Variants in RAD52 observed in about 807,000 individuals in gnomAD.
RAD52 encodes DNA repair protein RAD52 homolog.
RAD52 carries 47 observed loss-of-function variants against 55.5 expected under a neutral mutation model. The ratio of observed to expected loss-of-function variants is 0.85; its 90% confidence interval spans 0.67 to 1.08. The LOEUF (loss-of-function observed/expected upper bound fraction) is 1.08, where lower values mean the gene tolerates loss of function less well. Among genes scored for constraint, RAD52 ranks in the 50% least tolerant of loss-of-function variants. The pLI is 0.00. For synonymous variants in RAD52, 184 were observed against 198.9 expected, an observed-to-expected ratio of 0.92 and a Z score of 0.63; for missense variants, 468 against 522.8, an observed-to-expected ratio of 0.90 and a Z score of 1.02.
intron 1 of RAD52, among the ~76,000 whole-genome samples, chr12:934,761 T>A (rs1957525096): frequency 1.3e-5 from 2 of 152,026 alleles, no homozygotes; most frequent in Admixed American, 6.6e-5. Flanking sequence ...TTTTTGTCAG[T>A]CATACCTCAA....
In RAD52 at chr12:912,735, A is replaced by AAC. The variant is rs1956159627; in HGVS notation, c.*655_*656insGT. 1 of 139,140 alleles carries AAC rather than the reference A, an allele frequency of 7.2e-6. No homozygotes were observed. The highest frequency in any genetic ancestry group is 7.5e-5 in the Admixed American group (1 of 13,318). 8.6% of individuals were successfully genotyped at this position (139,140 alleles called of 1,614,324 possible). A position where few individuals can be genotyped will look rare whatever the true frequency, so the allele number is the denominator to read the frequency against. ...CAGACCCCGTCTCAAAAAAAAAAAA[A>AAC]AAAAAAAAAACAAAAAACAGCCTTT... On this transcript the variant is annotated 3_prime_UTR_variant, in exon 12 of 12. Coordinates refer to ENST00000358495, the MANE Select transcript of RAD52 (RefSeq NM_134424.4).
chr12:946,797 G>A (rs2154118914), intron 1 of RAD52, among the ~76,000 whole-genome samples: 1 of 152,298 alleles, frequency 6.6e-6, no homozygotes, highest in Middle Eastern at 3.4e-3. Flanking sequence ...TACAGTGGGT[G>A]ACTCAAAATT....
chr12:936,545 T>G (rs980347792), intron 1 of RAD52, among the ~76,000 whole-genome samples: 2 of 150,138 alleles, frequency 1.3e-5, no homozygotes, highest in Non-Finnish European at 2.9e-5. Flanking sequence ...CAGGCTGGAA[T>G]GCAGTGGTGC....
intron 1 of RAD52, among the ~76,000 whole-genome samples, chr12:949,127 T>C (rs1158710287): frequency 6.6e-6 from 1 of 152,056 alleles, no homozygotes; most frequent in African/African-American, 2.4e-5. Flanking sequence ...ACGGGTGCGA[T>C]CTCGGCTCAC....
chr12:935,205 G>GAAAT (rs1338647251), intron 1 of RAD52, among the ~76,000 whole-genome samples: 3 of 152,012 alleles, frequency 2.0e-5, no homozygotes. Flanking sequence ...GGGTCAAAAA[G>GAAAT]AAATAGAAGC....
At chr12:973,253 T>A (rs931147806) in intron 1 of RAD52, among the ~76,000 whole-genome samples, 4 of 151,600 alleles carry the variant, frequency 2.6e-5, no homozygotes, top group Non-Finnish European at 5.9e-5. Flanking sequence ...GTATTTTTAG[T>A]AGAGACGGGG....
intron 1 of RAD52, among the ~76,000 whole-genome samples, chr12:933,459 G>GAA (rs35399875): frequency 0.45 from 63,396 of 139,342 alleles, 14,103 homozygotes; most frequent in Admixed American, 0.48. Context: ...TCCATTTCAG[G>GAA]AAAAAAAAAA....
At chr12:934,639 C>CT (rs1431387251) in intron 1 of RAD52, among the ~76,000 whole-genome samples, 4 of 152,196 alleles carry the variant, frequency 2.6e-5, no homozygotes, top group Non-Finnish European at 1.5e-5. Flanking sequence ...CCTGTACTAG[C>CT]TAAGAGGGTA....
chr12:914,622 G>A, intron 9 of RAD52, 90 bp from the exon 10 acceptor site: 1 of 1,503,654 alleles, frequency 6.7e-7, no homozygotes, highest in Non-Finnish European at 9.0e-7. Context: ...CTTGTTAGAG[G>A]GAACACTCTC....
chr12:915,989 T>A (rs11571464), intron 9 of RAD52, among the ~76,000 whole-genome samples: 5,267 of 152,236 alleles, frequency 0.035, 302 homozygotes, highest in African/African-American at 0.12. Context: ...AGTGCTGGGA[T>A]TACGGACATG....
intron 1 of RAD52, among the ~76,000 whole-genome samples, chr12:933,825 C>A (rs531049998): frequency 1.3e-5 from 2 of 152,132 alleles, no homozygotes; most frequent in South Asian, 4.1e-4. Flanking sequence ...GTGTTATAGT[C>A]AAAACACAGG....
intron 1 of RAD52, among the ~76,000 whole-genome samples, chr12:936,324 CA>C (rs1426194218): frequency 6.6e-6 from 1 of 151,306 alleles, no homozygotes; most frequent in Admixed American, 6.6e-5. Context: ...ACAAAACAAA[CA>C]AAAAAAATTC....
chr12:928,021 G>C (rs187110631), intron 5 of RAD52, among the ~76,000 whole-genome samples: 60 of 152,138 alleles, frequency 3.9e-4, no homozygotes, highest in Non-Finnish European at 6.9e-4. Context: ...CACATCATTC[G>C]CTGATTGAGA....
chr12:913,699 G>A (rs961206540), intron 11 of RAD52, among the ~76,000 whole-genome samples, 195 bp downstream of exon 11: 18 of 152,118 alleles, frequency 1.2e-4, no homozygotes, highest in Non-Finnish European at 4.4e-5. Context: ...GCTGAAAAGG[G>A]CTGCACCTGA....
chr12:973,194 C>T (rs780523529), intron 1 of RAD52, among the ~76,000 whole-genome samples: 4 of 152,064 alleles, frequency 2.6e-5, no homozygotes, highest in Non-Finnish European at 5.9e-5. Context: ...CTCAGCCTCC[C>T]AAGTAGCTGG....
chr12:982,155 G>A (rs886252757), intron 1 of RAD52, among the ~76,000 whole-genome samples: 1 of 152,060 alleles, frequency 6.6e-6, no homozygotes, highest in Non-Finnish European at 1.5e-5. Flanking sequence ...TAACTCTGTT[G>A]CCTCATCCTT....
At chr12:965,920 A>AAG (rs1958758658) in intron 1 of RAD52, among the ~76,000 whole-genome samples, 1 of 151,862 alleles carries the variant, frequency 6.6e-6, no homozygotes, top group Non-Finnish European at 1.5e-5. Context: ...TGCTGACCTC[A>AAG]TGATCCTCCC....
Position 983,893 on chromosome 12 carries a change from A to G in RAD52, c.-19+5916T>C, listed in dbSNP as rs551485387. On this transcript the variant is annotated intron_variant, in intron 1 of 11. Coordinates refer to the RAD52 transcript ENST00000430095. ...TCCAAATATAGTCACACTGGGAGTT[A>G]GGGCTTCAACATATGAATTTTGGAG... Among the ~76,000 whole-genome samples, 12 of 152,362 alleles carry G rather than the reference A, an allele frequency of 7.9e-5. No homozygotes were observed. The East Asian group carries it at 2.1e-3, about 27-fold the overall frequency.
At chr12:926,313 G>C (rs11571450) in intron 6 of RAD52, among the ~76,000 whole-genome samples, 2,959 of 145,752 alleles carry the variant, frequency 0.02, 106 homozygotes, top group African/African-American at 0.071. Context: ...AGGCAACAAA[G>C]GGAGACCCTG....
Sources: gnomAD v4.1 joint callset for allele counts (sites outside exome capture counted in the v4.1 genomes callset) on GRCh38, gnomAD v4.1.1 for gene constraint, MANE v1.5 for transcripts, NCBI Gene and HGNC (gene_info 2026-07-23, HGNC 2026-07-21) for gene names.